The following SLC37A1 variants were observed in gnomAD, a reference collection of about 807,000 sequenced individuals.
SLC37A1 encodes the protein solute carrier family 37 member 1.
SLC37A1 carries 49 observed loss-of-function variants against 75.3 expected under a neutral mutation model. The ratio of observed to expected loss-of-function variants is 0.65; its 90% CI spans 0.52 to 0.83. SLC37A1 has a LOEUF of 0.83. Among genes scored for constraint, SLC37A1 ranks in the 40% least tolerant of loss-of-function variants. The pLI, the probability that SLC37A1 is intolerant of heterozygous loss-of-function variation, is 0.00. For synonymous variants in SLC37A1, 268 were observed against 292.1 expected, an observed-to-expected ratio of 0.92 and a Z score of 0.84; for missense variants, 566 against 695.0, an observed-to-expected ratio of 0.81 and a Z score of 2.09.
chr21:42,518,559 G>T (rs1019143266), intron 2 of SLC37A1, 49 bp downstream of exon 2: 7 of 1,602,924 alleles, frequency 4.4e-6, no homozygotes, highest in African/African-American at 1.3e-5. Flanking sequence ...GTATAGGTGA[G>T]GGCTACTGTG....
intron 3 of SLC37A1, among the ~76,000 whole-genome samples, chr21:42,529,702 T>C (rs2054894730): frequency 6.6e-6 from 1 of 152,064 alleles, no homozygotes; most frequent in African/African-American, 2.4e-5. Flanking sequence ...GAACAAGCAG[T>C]TTACAGACAC....
chr21:42,508,584 A>G (rs764730380), intron 2 of SLC37A1: 12 of 152,220 alleles, frequency 7.9e-5, no homozygotes, highest in Non-Finnish European at 1.5e-4. Flanking sequence ...CATAAACTCA[A>G]GAGGAATTTA....
intron 1 of SLC37A1, among the ~76,000 whole-genome samples, chr21:42,516,428 C>A (rs1271179571): frequency 6.6e-6 from 1 of 152,200 alleles, no homozygotes; most frequent in East Asian, 1.9e-4. Flanking sequence ...CAAATGAGAG[C>A]ATGTCAGTCA....
chr21:42,579,919 C>T, intron 19 of SLC37A1, 119 bp downstream of exon 19: 1 of 864,042 alleles, frequency 1.2e-6, no homozygotes, highest in Non-Finnish European at 1.9e-6. Flanking sequence ...CTTATCTTTT[C>T]ACGGCACGCC....
intron 3 of SLC37A1, among the ~76,000 whole-genome samples, chr21:42,530,654 A>ACACACACACCCCCCCC (rs1161313598): frequency 5.6e-5 from 2 of 35,878 alleles, no homozygotes; most frequent in African/African-American, 1.6e-4. Context: ...ACACACACAC[A>ACACACACACCCCCCCC]CCCCCTCTGT....
At chr21:42,574,009 A>G (rs895543045) in intron 17 of SLC37A1, among the ~76,000 whole-genome samples, 6 of 63,314 alleles carry the variant, frequency 9.5e-5, no homozygotes, top group South Asian at 3.5e-4. Flanking sequence ...GTGGTTCATC[A>G]TGCACCCGTG....
chr21:42,503,248 C>CTTTTT (rs11444113), intron 2 of SLC37A1, among the ~76,000 whole-genome samples: 4 of 125,738 alleles, frequency 3.2e-5, no homozygotes, highest in Non-Finnish European at 4.9e-5. Flanking sequence ...AATTATACTC[C>CTTTTT]TTTTTTTTTT....
rs934383814 is a variant in SLC37A1, at chr21:42,502,418, G to A, written c.-179+1G>A. ...GGGACTCACTGCTCCCTCGCCTACT[G>A]TAAGTCCTATTTTTCTTCTTTGCTA... On this transcript the variant is annotated splice_donor_variant, in intron 2 of 20. Transcript: ENST00000398341. LOFTEE classifies it low-confidence loss of function (5UTR_SPLICE). 5 of 152,110 alleles carry A rather than the reference G, an allele frequency of 3.3e-5. No individual in the cohort carries two copies. The highest frequency in any genetic ancestry group is 1.2e-4 in the African/African-American group (5 of 41,402). The allele number at this position is 152,110 out of a possible 1,614,324, so 9.4% of individuals were successfully genotyped here.
rs1421627941 is a variant in SLC37A1 at position 42,552,934 on chromosome 21, T to G, written c.769-1128T>G. ...ACTGGCCAGATAATCACCCCTAGCC[T>G]GGCAGGCTTTGCCCTCCCTCTGAGC... On this transcript the variant is annotated intron_variant, in intron 9 of 19. Coordinates refer to ENST00000352133, the MANE Select transcript of SLC37A1 (RefSeq NM_001320537.2). The surrounding 1 kb of genome is among the most constrained non-coding windows in gnomAD (Gnocchi z 4.2). Among the ~76,000 whole-genome samples the G allele has an allele frequency of 6.6e-6, 1 of 152,238 alleles. No homozygotes were observed. Among genetic ancestry groups the G allele is most frequent in the Non-Finnish European group, 1.5e-5 (1 of 68,046 alleles).
chr21:42,535,450 G>T, intron 4 of SLC37A1, 22 bp from the exon 5 acceptor site: 1 of 1,601,564 alleles, frequency 6.2e-7, no homozygotes, highest in Non-Finnish European at 8.6e-7. Flanking sequence ...AGCTTGTCCT[G>T]CTGGTTTTCA....
intron 3 of SLC37A1, among the ~76,000 whole-genome samples, chr21:42,529,686 G>A (rs1246494772): frequency 3.3e-5 from 5 of 152,226 alleles, no homozygotes; most frequent in Non-Finnish European, 7.3e-5. Flanking sequence ...AACGGGCAAG[G>A]GGGATGAACA....
At position 42,527,400 on chromosome 21, in the gene SLC37A1, G is replaced by A. The variant is rs138162940; in HGVS notation, c.138+1543G>A. Among the ~76,000 whole-genome samples, 474 of 152,160 alleles carry A rather than the reference G, an allele frequency of 3.1e-3. 1 individual carries two copies. Among genetic ancestry groups the A allele is most frequent in the African/African-American group, 0.011 (442 of 41,492 alleles). ...CCTGGTGGTCCATCTCAAAGCCCCCGCCCCTGACTCTCGTGTGTAGTGGTG... is the reference window on the plus strand; with the variant it reads ...CCTGGTGGTCCATCTCAAAGCCCCCACCCCTGACTCTCGTGTGTAGTGGTG... On this transcript the variant is annotated intron_variant, in intron 3 of 19. Transcript: ENST00000352133.
chr21:42,574,421 G>A (rs759441690), intron 17 of SLC37A1, among the ~76,000 whole-genome samples: 7 of 152,190 alleles, frequency 4.6e-5, no homozygotes, highest in Admixed American at 6.5e-5. Flanking sequence ...TTCCCAGTAC[G>A]GAGGCGTACA....
At chr21:42,538,025 A>G (rs753021547) in intron 5 of SLC37A1, among the ~76,000 whole-genome samples, 2 of 152,234 alleles carry the variant, frequency 1.3e-5, no homozygotes, top group Non-Finnish European at 2.9e-5. Flanking sequence ...GTAATGTGAA[A>G]TGGTGTTTGT....
chr21:42,579,325 C>T (rs1284771752), intron 18 of SLC37A1, among the ~76,000 whole-genome samples: 6 of 152,174 alleles, frequency 3.9e-5, no homozygotes, highest in East Asian at 1.9e-4. Flanking sequence ...CTGAGAAGCT[C>T]GCAGGTCCAC....
chr21:42,548,057 T>C lies in SLC37A1; in HGVS notation c.768+917T>C, dbSNP rs2055459189. 6.6e-6 allele frequency among the ~76,000 whole-genome samples: 1 copy of C among 152,148 alleles called. No individual in the cohort carries two copies. Among genetic ancestry groups the C allele is most frequent in the Non-Finnish European group, 1.5e-5 (1 of 68,006 alleles). On this transcript the variant is annotated intron_variant, in intron 9 of 19. Coordinates refer to ENST00000352133, the MANE Select transcript of SLC37A1 (RefSeq NM_001320537.2). This position sits in a 1 kb window ranked among gnomAD's most constrained non-coding sequence, Gnocchi z 5.6. ...GGGGGTCAGCTCTCTTCCCTCCCTC[T>C]GGGAAAGGCTCCCCTACCCGGGCTA...
chr21:42,544,270 T>A (rs2055354111), intron 8 of SLC37A1, among the ~76,000 whole-genome samples: 1 of 152,172 alleles, frequency 6.6e-6, no homozygotes, highest in Admixed American at 6.5e-5. Context: ...GTTCTTTGAC[T>A]GAGTTTAAAC....
chr21:42,554,816 T>C (rs1031916512), intron 10 of SLC37A1, among the ~76,000 whole-genome samples: 2 of 152,154 alleles, frequency 1.3e-5, no homozygotes, highest in Non-Finnish European at 2.9e-5. Flanking sequence ...CTGAGCCTCC[T>C]GTGCCCTACC....
chr21:42,520,892 G>T (rs573244595), intron 2 of SLC37A1, among the ~76,000 whole-genome samples: 1 of 152,192 alleles, frequency 6.6e-6, no homozygotes, highest in African/African-American at 2.4e-5. Context: ...ACTCTGACTT[G>T]TCAAATCTAG....
Sources: allele counts gnomAD v4.1 joint callset (sites outside exome capture counted in the v4.1 genomes callset), GRCh38; gene constraint gnomAD v4.1.1; non-coding constraint Gnocchi (gnomAD v3.1); transcripts MANE v1.5; gene names NCBI Gene and HGNC (gene_info 2026-07-23, HGNC 2026-07-21).